The following PAH variants were observed in gnomAD, a reference collection of about 807,000 sequenced individuals.
The protein encoded by PAH is phenylalanine-4-hydroxylase.
PAH carries 64 observed loss-of-function variants against 62.0 expected under a neutral mutation model. The ratio of observed to expected loss-of-function variants is 1.03; its 90% CI spans 0.84 to 1.27. The LOEUF (loss-of-function observed/expected upper bound fraction) is 1.27, where lower values mean the gene tolerates loss of function less well. PAH is among the 50% of genes most tolerant of loss of function. The pLI is 0.00. For synonymous variants in PAH, 195 were observed against 196.2 expected, an observed-to-expected ratio of 0.99 and a Z score of 0.05; for missense variants, 579 against 542.8, an observed-to-expected ratio of 1.07 and a Z score of -0.66.
At position 102,932,863 on chromosome 12, in the gene PAH, T is replaced by G. The variant is rs191465022; in HGVS notation, c.-95-15638A>C. 3.5e-3 allele frequency among the ~76,000 whole-genome samples: 539 copies of G among 152,316 alleles called. 4 individuals carry two copies. The highest frequency in any genetic ancestry group is 5.0e-3 in the Non-Finnish European group (338 of 68,018). ...AGTAGGTGTATATTTATGGAGTACA[T>G]AAGATATTTTGATACAAGCATGCAA... On this transcript the variant is annotated intron_variant, in intron 1 of 3. Coordinates refer to the PAH transcript ENST00000546844.
intron 1 of PAH, among the ~76,000 whole-genome samples, chr12:102,926,669 AACAGAACC>A (rs1878692117): frequency 6.6e-6 from 1 of 152,106 alleles, no homozygotes; most frequent in African/African-American, 2.4e-5. Flanking sequence ...CATATTTCTA[AACAGAACC>A]ACAATTAAAA....
At chr12:102,894,605 C>A in intron 3 of PAH, 130 bp downstream of exon 3, 1 of 741,040 alleles carries the variant, frequency 1.3e-6, no homozygotes, top group Non-Finnish European at 2.2e-6. Context: ...ATTAATTTTG[C>A]TTCCGCAAAA....
chr12:102,856,952 C>T (rs1875463928), intron 5 of PAH, among the ~76,000 whole-genome samples: 1 of 152,194 alleles, frequency 6.6e-6, no homozygotes, highest in South Asian at 2.1e-4. Context: ...GAACACAGCT[C>T]CTCGCCAGCA....
chr12:102,837,747 C>T lies in PAH; in HGVS notation c.*1428G>A, dbSNP rs551921390. On this transcript the variant is annotated 3_prime_UTR_variant, in exon 13 of 13. Coordinates refer to ENST00000553106, the MANE Select transcript of PAH (RefSeq NM_000277.3). ...CTCATTGTTAGAGTGACACTGAGGTCTAAAGAAGGGAAACAGCTTATCCAC... is the reference window on the plus strand; with the variant it reads ...CTCATTGTTAGAGTGACACTGAGGTTTAAAGAAGGGAAACAGCTTATCCAC... 2.6e-5 allele frequency: 4 copies of T among 152,280 alleles called. No individual in the cohort carries two copies. Among genetic ancestry groups the T allele is most frequent in the African/African-American group, 9.6e-5 (4 of 41,554 alleles). The allele number at this position is 152,280 out of a possible 1,614,324, so 9.4% of individuals were successfully genotyped here.
At position 102,943,724 on chromosome 12, in the gene PAH, T is replaced by G. The variant is rs544510973; in HGVS notation, c.-96+6865A>C. On this transcript the variant is annotated intron_variant, in intron 1 of 3. Transcript: ENST00000546844. ...ACGACATATACACCATGGAATATTA[T>G]ATCATAAAAATGAATGAAATCATGT... 1.3e-4 allele frequency among the ~76,000 whole-genome samples: 20 copies of G among 152,278 alleles called. No individual in the cohort carries two copies. In the East Asian group the frequency reaches 3.3e-3, roughly 25 times the overall value.
chr12:102,858,048 A>C lies in PAH; in HGVS notation c.510-2716T>G, dbSNP rs951385105. 3.5e-4 allele frequency among the ~76,000 whole-genome samples: 54 copies of C among 152,356 alleles called. 1 individual carries two copies. The highest frequency in any genetic ancestry group is 1.2e-3 in the African/African-American group (50 of 41,570). Reference sequence around the variant, plus strand: ...AGACTGGCAAATTGGATAAAGAGTCAAGACGTATCAGTGTGCTGTATTCAG... The same window carrying C: ...AGACTGGCAAATTGGATAAAGAGTCCAGACGTATCAGTGTGCTGTATTCAG... On this transcript the variant is annotated intron_variant, in intron 5 of 12. Transcript: ENST00000553106.
At chr12:102,942,736 G>C (rs1193041462) in intron 1 of PAH, among the ~76,000 whole-genome samples, 1 of 152,070 alleles carries the variant, frequency 6.6e-6, no homozygotes, top group Non-Finnish European at 1.5e-5. Flanking sequence ...CAATGGAACA[G>C]GTTAGAGAAT....
Position 102,894,793 on chromosome 12 carries a change from C to A in PAH, c.294G>T (p.Leu98Phe). ...GGACAGTGGCACCAATGTCATGCCT[C>A]AAGATCTTGATGATGTTTGTCAGAG... ...LPALTNIIKI[L>F]RHDIGATVHE... The change falls in exon 3 of 13, where the codon TTG becomes TTT. Residue 98 changes from leucine to phenylalanine, a missense_variant. By Grantham distance (22) the Leu-to-Phe change is conservative (BLOSUM62 0). Coordinates refer to ENST00000553106, the MANE Select transcript of PAH (RefSeq NM_000277.3). 6.2e-7 allele frequency: 1 copy of A among 1,614,094 alleles called. No homozygotes were observed. The highest frequency in any genetic ancestry group is 1.3e-5 in the African/African-American group (1 of 75,020).
chr12:102,956,701 C>A (rs866120389), intron 1 of PAH, among the ~76,000 whole-genome samples: 1 of 151,910 alleles, frequency 6.6e-6, no homozygotes, highest in Non-Finnish European at 1.5e-5. Flanking sequence ...TAAGCTGGTC[C>A]GGAAATAATC....
chr12:102,934,305 C>T lies in PAH; in HGVS notation c.-96+16284G>A, dbSNP rs189657553. On this transcript the variant is annotated intron_variant, in intron 1 of 3. Coordinates refer to the PAH transcript ENST00000546844. Reference sequence around the variant, plus strand: ...CTGTGTGTCTGTGTTTATGCCAGTACTATCCTGTTTTGGTTACTATAGCTC... The same window carrying T: ...CTGTGTGTCTGTGTTTATGCCAGTATTATCCTGTTTTGGTTACTATAGCTC... Among the ~76,000 whole-genome samples the T allele has an allele frequency of 5.3e-5, 8 of 152,208 alleles. No homozygotes were observed. In the East Asian group the frequency reaches 1.5e-3, roughly 29 times the overall value.
At chr12:102,883,964 T>C (rs926481249) in intron 3 of PAH, among the ~76,000 whole-genome samples, 3 of 152,240 alleles carry the variant, frequency 2.0e-5, no homozygotes, top group African/African-American at 7.2e-5. Flanking sequence ...AACTCATGTA[T>C]GAAGAGTTCT....
intron 1 of PAH, among the ~76,000 whole-genome samples, chr12:102,926,547 A>G (rs988843871): frequency 6.6e-6 from 1 of 151,854 alleles, no homozygotes; most frequent in East Asian, 1.9e-4. Flanking sequence ...AAGTAATTGC[A>G]GTTTTTGCCA....
upstream of PAH, among the ~76,000 whole-genome samples, chr12:102,954,182 T>C (rs990946408): frequency 6.6e-6 from 1 of 152,168 alleles, no homozygotes; most frequent in Non-Finnish European, 1.5e-5. Flanking sequence ...ATCTCTATAG[T>C]CTATCTTACT....
intron 3 of PAH, among the ~76,000 whole-genome samples, chr12:102,889,417 A>G (rs911810148): frequency 3.3e-5 from 5 of 151,494 alleles, no homozygotes; most frequent in Admixed American, 3.3e-4. Context: ...ATAGATAGAT[A>G]GATAGATAGA....
chr12:102,855,451 G>T (rs1875383502), intron 5 of PAH, 119 bp from the exon 6 acceptor site: 7 of 735,132 alleles, frequency 9.5e-6, no homozygotes, highest in Non-Finnish European at 9.6e-6. Flanking sequence ...TTGCTACAGT[G>T]AATTTCATAC....
chr12:102,879,529 C>A (rs1195441766), intron 3 of PAH, among the ~76,000 whole-genome samples: 6 of 151,346 alleles, frequency 4.0e-5, no homozygotes, highest in African/African-American at 1.2e-4. Flanking sequence ...TTCTGCAGAG[C>A]TGAGGAACCT....
intron 4 of PAH, among the ~76,000 whole-genome samples, chr12:102,868,176 GTATA>G (rs201396594): frequency 0.012 from 28 of 2,390 alleles, 6 homozygotes; most frequent in South Asian, 0.032. Context: ...ACATATATGT[GTATA>G]TATATATATA....
chr12:102,910,748 C>T (rs1186499613), intron 2 of PAH, among the ~76,000 whole-genome samples: 2 of 152,128 alleles, frequency 1.3e-5, no homozygotes, highest in African/African-American at 2.4e-5. Flanking sequence ...AGACTCAGCT[C>T]ATGTGTAATC....
chr12:102,917,163 T>G lies in PAH; in HGVS notation c.-33A>C. 6.2e-7 allele frequency: 1 copy of G among 1,608,494 alleles called. No homozygotes were observed. The highest frequency in any genetic ancestry group is 2.2e-5 in the East Asian group (1 of 44,838). On this transcript the variant is annotated 5_prime_UTR_variant, in exon 1 of 13. Transcript: ENST00000553106. ...CCCCGGGAGTGAGGTCTCTGGCTTTTTAGGGCCTCAGGTACAGGCAGGTTT... is the reference window on the plus strand; with the variant it reads ...CCCCGGGAGTGAGGTCTCTGGCTTTGTAGGGCCTCAGGTACAGGCAGGTTT...
Sources: allele counts gnomAD v4.1 joint callset (sites outside exome capture counted in the v4.1 genomes callset), GRCh38; gene constraint gnomAD v4.1.1; transcripts MANE v1.5; gene names NCBI Gene and HGNC (gene_info 2026-07-23, HGNC 2026-07-21).